Variants in WDPCP observed in about 807,000 individuals in gnomAD.
WDPCP encodes the protein WD repeat containing planar cell polarity effector, also known as WD repeat-containing and planar cell polarity effector protein fritz homolog.
WDPCP carries 71 observed loss-of-function variants against 93.1 expected under a neutral mutation model. That is an observed-to-expected ratio of 0.76 (90% CI 0.63 to 0.93). The LOEUF (loss-of-function observed/expected upper bound fraction) is 0.93, where lower values mean the gene tolerates loss of function less well. WDPCP is among the 40% of genes least tolerant of loss of function. The pLI, the probability that WDPCP is intolerant of heterozygous loss-of-function variation, is 0.00. For missense variants in WDPCP, 844 were observed against 887.4 expected (o/e 0.95, Z 0.62); for synonymous variants, 315 against 315.0 (o/e 1.00, Z 0.00).
chr2:63,760,321 A>G (rs139491832), intron 2 of WDPCP, among the ~76,000 whole-genome samples: 149 of 152,260 alleles, frequency 9.8e-4, no homozygotes, highest in African/African-American at 3.3e-3. Context: ...CCACTGTTAC[A>G]TATCAGTGTT....
At chr2:63,684,630 A>C in intron 2 of WDPCP, 1 of 703,120 alleles carries the variant, frequency 1.4e-6, no homozygotes, top group South Asian at 1.4e-5. Context: ...CTTAAACGCA[A>C]GGCCTGACGA....
chr2:63,728,574 T>C (rs1360691408), intron 2 of WDPCP, among the ~76,000 whole-genome samples: 2 of 152,208 alleles, frequency 1.3e-5, no homozygotes, highest in Non-Finnish European at 2.9e-5. Flanking sequence ...TTTATTTACA[T>C]CTTATGATAA....
At chr2:63,567,171 A>G (rs1707136022) in intron 1 of WDPCP, among the ~76,000 whole-genome samples, 1 of 152,036 alleles carries the variant, frequency 6.6e-6, no homozygotes, top group South Asian at 2.1e-4. Flanking sequence ...GAATAATTAA[A>G]TCTCTGGACA....
At chr2:63,630,181 G>A (rs946641444) in intron 3 of WDPCP, among the ~76,000 whole-genome samples, 10 of 151,916 alleles carry the variant, frequency 6.6e-5, no homozygotes, top group East Asian at 1.9e-4. Flanking sequence ...ATTCACAAAC[G>A]TATTCAAGTA....
At chr2:63,599,967 G>A (rs1348199892) in intron 3 of WDPCP, 1 of 152,210 alleles carries the variant, frequency 6.6e-6, no homozygotes, top group Non-Finnish European at 1.5e-5. Flanking sequence ...GATCTAACTG[G>A]TCCTGGTGCC....
At chr2:63,484,031 G>A (rs926671477) in intron 6 of WDPCP, among the ~76,000 whole-genome samples, 2 of 151,896 alleles carry the variant, frequency 1.3e-5, no homozygotes, top group South Asian at 4.1e-4. Flanking sequence ...TGTGGCTATT[G>A]AACACTTAAA....
At chr2:63,283,977 C>A (rs1683776634) in intron 13 of WDPCP, among the ~76,000 whole-genome samples, 1 of 151,902 alleles carries the variant, frequency 6.6e-6, no homozygotes, top group Non-Finnish European at 1.5e-5. Flanking sequence ...AAATACTAAA[C>A]AAGGTTATTC....
At chr2:63,256,174 T>C (rs1681129728) in intron 14 of WDPCP, among the ~76,000 whole-genome samples, 1 of 152,154 alleles carries the variant, frequency 6.6e-6, no homozygotes, top group African/African-American at 2.4e-5. Context: ...TTCTTTTTTT[T>C]CCTTGAGTGA....
intron 1 of WDPCP, among the ~76,000 whole-genome samples, chr2:63,827,044 T>C (rs1242850397): frequency 6.6e-6 from 1 of 152,186 alleles, no homozygotes; most frequent in Non-Finnish European, 1.5e-5. Context: ...CAGACTTCCT[T>C]GAATCTTTCT....
chr2:63,611,985 C>T (rs1709619533), intron 3 of WDPCP, among the ~76,000 whole-genome samples: 1 of 152,178 alleles, frequency 6.6e-6, no homozygotes, highest in African/African-American at 2.4e-5. Flanking sequence ...CCACCATCAC[C>T]CTGGTCCAAG....
chr2:63,699,251 TC>T lies in WDPCP; in HGVS notation n.309-48414del, dbSNP rs560969159. ...TAATGTACTACCTCTAGAGGGCAGT[TC>T]AAAGCAGGATTCTCACTGAGTTCTG... On this transcript the variant is annotated intron_variant and non_coding_transcript_variant, in intron 2 of 4. Coordinates refer to the WDPCP transcript ENST00000467687. 1.5e-3 allele frequency among the ~76,000 whole-genome samples: 228 copies of T among 152,288 alleles called. 1 individual carries two copies. Among genetic ancestry groups the T allele is most frequent in the African/African-American group, 5.3e-3 (221 of 41,552 alleles).
intron 14 of WDPCP, among the ~76,000 whole-genome samples, chr2:63,220,094 C>A (rs551192216): frequency 6.6e-6 from 1 of 152,284 alleles, no homozygotes; most frequent in Non-Finnish European, 1.5e-5. Context: ...TCTTCTGCTA[C>A]CTGAAATATG....
chr2:63,411,252 A>G (rs1050355153), intron 9 of WDPCP, among the ~76,000 whole-genome samples: 1 of 152,222 alleles, frequency 6.6e-6, no homozygotes, highest in Non-Finnish European at 1.5e-5. Context: ...TTGCAAATAC[A>G]TGGAAATTTA....
At position 63,507,469 on chromosome 2, in the gene WDPCP, T is replaced by A. The variant is rs141811243; in HGVS notation, c.76-14529A>T. ...CCAAAGTCTCAAAAATTAACAATCA[T>A]GTATTATTTTTAAGGAAGTTACTGG... On this transcript the variant is annotated intron_variant, in intron 1 of 17. Coordinates refer to ENST00000272321, the MANE Select transcript of WDPCP (RefSeq NM_015910.7). Among the ~76,000 whole-genome samples the A allele has an allele frequency of 7.9e-3, 1,201 of 152,100 alleles. 9 individuals carry two copies. The highest frequency in any genetic ancestry group is 0.016 in the South Asian group (77 of 4,812).
intron 1 of WDPCP, among the ~76,000 whole-genome samples, chr2:63,559,150 AC>A (rs1417955554): frequency 6.6e-6 from 1 of 152,170 alleles, no homozygotes; most frequent in Non-Finnish European, 1.5e-5. Context: ...GTATTTCATC[AC>A]ATAAACAGAA....
intron 14 of WDPCP, among the ~76,000 whole-genome samples, chr2:63,202,560 A>G: frequency 6.6e-6 from 1 of 152,092 alleles, no homozygotes; most frequent in African/African-American, 2.4e-5. Context: ...GAGGTATGTT[A>G]AAGTTTCCTT....
In WDPCP at chr2:63,155,437, G is replaced by A. The variant is rs543578060; in HGVS notation, c.2079-1863C>T. ...TTGTACTTTTGTCAAAAATCAGCTG[G>A]GCATATTTATATGGGTCTATTTCTG... On this transcript the variant is annotated intron_variant, in intron 15 of 17. Coordinates refer to ENST00000272321, the MANE Select transcript of WDPCP (RefSeq NM_015910.7). Among the ~76,000 whole-genome samples the A allele has an allele frequency of 3.3e-5, 5 of 152,048 alleles. No homozygotes were observed. The South Asian group carries it at 1.0e-3, about 32-fold the overall frequency.
At chr2:63,321,953 A>T (rs1264169568) in intron 12 of WDPCP, among the ~76,000 whole-genome samples, 1 of 152,184 alleles carries the variant, frequency 6.6e-6, no homozygotes, top group African/African-American at 2.4e-5. Context: ...TACATATTTA[A>T]TGTATACAAC....
chr2:63,599,228 C>T, intron 3 of WDPCP: 3 of 1,613,742 alleles, frequency 1.9e-6, no homozygotes, highest in Non-Finnish European at 2.5e-6. Flanking sequence ...AAGTCAGCTC[C>T]ATCCATCCCC....
Sources: allele counts gnomAD v4.1 joint callset (sites outside exome capture counted in the v4.1 genomes callset), GRCh38; gene constraint gnomAD v4.1.1; transcripts MANE v1.5; gene names NCBI Gene and HGNC (gene_info 2026-07-23, HGNC 2026-07-21).